The following TTLL5 variants were observed in gnomAD, a reference collection of about 807,000 sequenced individuals.
TTLL5 encodes the protein tubulin tyrosine ligase like 5.
TTLL5 carries 132 observed loss-of-function variants against 168.4 expected under a neutral mutation model. The observed-to-expected ratio is 0.78, with a 90% CI of 0.68 to 0.91. TTLL5 has a LOEUF of 0.91. TTLL5 is among the 40% of genes least tolerant of loss of function. TTLL5 has a pLI of 0.00. For missense variants in TTLL5, 1,545 were observed against 1,581.5 expected (o/e 0.98, Z 0.39); for synonymous variants, 546 against 558.6 (o/e 0.98, Z 0.32).
chr14:75,914,269 C>A (rs1277573573), intron 31 of TTLL5, among the ~76,000 whole-genome samples: 2 of 151,604 alleles, frequency 1.3e-5, no homozygotes, highest in South Asian at 4.2e-4. Context: ...TTCAATAAGA[C>A]CATAAACTTT....
At chr14:75,691,442 T>C (rs574601646) in intron 6 of TTLL5, among the ~76,000 whole-genome samples, 1 of 152,348 alleles carries the variant, frequency 6.6e-6, no homozygotes, top group African/African-American at 2.4e-5. Flanking sequence ...GAATGTTTAC[T>C]TTCTAGTAGG....
intron 30 of TTLL5, among the ~76,000 whole-genome samples, chr14:75,896,555 G>A (rs1412397901): frequency 6.6e-6 from 1 of 152,108 alleles, no homozygotes; most frequent in Non-Finnish European, 1.5e-5. Flanking sequence ...GGTGGCATGA[G>A]TCCAAGATAA....
At chr14:75,926,300 C>G (rs1363626366) in intron 31 of TTLL5, among the ~76,000 whole-genome samples, 7 of 150,378 alleles carry the variant, frequency 4.7e-5, no homozygotes, top group Non-Finnish European at 1.5e-5. Flanking sequence ...GACTCTTTAT[C>G]CAATTTGCCA....
intron 30 of TTLL5, among the ~76,000 whole-genome samples, chr14:75,891,240 CCT>C (rs1398013416): frequency 6.6e-5 from 10 of 152,182 alleles, no homozygotes; most frequent in Non-Finnish European, 1.0e-4. Context: ...GCCTCTTGAA[CCT>C]AAGTCCTGCC....
chr14:75,807,192 A>T (rs1893707422), intron 27 of TTLL5, among the ~76,000 whole-genome samples: 1 of 152,136 alleles, frequency 6.6e-6, no homozygotes, highest in Non-Finnish European at 1.5e-5. Context: ...GCACTCCTAT[A>T]ATCCCAGCAC....
At chr14:75,756,971 G>GTTA (rs1890304636) in intron 18 of TTLL5, among the ~76,000 whole-genome samples, 1 of 151,252 alleles carries the variant, frequency 6.6e-6, no homozygotes, top group Admixed American at 6.6e-5. Flanking sequence ...TTTTGTTGTT[G>GTTA]TTGTTGTTGT....
rs138370992 is a variant in TTLL5, at chr14:75,771,747, C to T, written c.2029C>T (p.Arg677Ter). Residue 677 changes from arginine to a stop codon, truncating the protein, a stop_gained, in exon 21 of 32, where the codon CGA becomes TGA. Transcript: ENST00000298832. LOFTEE classifies it high-confidence loss of function. The stretch of plus-strand genomic sequence containing the variant: ...GGATTTCTATAGCAAAATGCAGGCC[C>T]GAATAGCATTCTCTGCCTATCTCCA... Reference protein sequence around the residue: ...DNGNLSKMQARIAFSAYLQHV... With the variant: ...DNGNLSKMQA The T allele has an allele frequency of 2.3e-5, 37 of 1,613,742 alleles. 1 individual carries two copies. Among genetic ancestry groups the T allele is most frequent in the Admixed American group, 5.0e-5 (3 of 59,976 alleles).
chr14:75,865,548 C>G (rs1372199906), intron 29 of TTLL5, among the ~76,000 whole-genome samples: 2 of 152,080 alleles, frequency 1.3e-5, no homozygotes, highest in Non-Finnish European at 2.9e-5. Context: ...AAAAAACTCT[C>G]TGGCTCTAAT....
chr14:75,696,785 C>A (rs567487309), intron 6 of TTLL5, among the ~76,000 whole-genome samples: 61 of 152,304 alleles, frequency 4.0e-4, no homozygotes, highest in Non-Finnish European at 6.3e-4. Context: ...TTTGCATTTA[C>A]TAGCAAATAA....
At chr14:75,785,797 A>G (rs1892331623) in intron 26 of TTLL5, among the ~76,000 whole-genome samples, 1 of 152,180 alleles carries the variant, frequency 6.6e-6, no homozygotes, top group East Asian at 1.9e-4. Flanking sequence ...TGAAATCACC[A>G]AGGATGATTG....
chr14:75,711,382 G>A (rs1235126474), intron 9 of TTLL5: 1 of 152,064 alleles, frequency 6.6e-6, no homozygotes, highest in Non-Finnish European at 1.5e-5. Flanking sequence ...TCCTGTCAGG[G>A]GTGGACTCCA....
intron 5 of TTLL5, among the ~76,000 whole-genome samples, chr14:75,687,518 C>T (rs1418099848): frequency 6.6e-6 from 1 of 152,162 alleles, no homozygotes; most frequent in East Asian, 1.9e-4. Context: ...AAATGATCCA[C>T]CTGCCTCAGC....
Position 75,820,161 on chromosome 14 carries a change from G to T in TTLL5, c.3326G>T (p.Arg1109Met). 1 of 1,581,670 alleles carries T rather than the reference G, an allele frequency of 6.3e-7. No homozygotes were observed. Residue 1109 changes from arginine (R) to methionine (M), a missense_variant and splice_region_variant, in exon 28 of 32, where the codon AGG (arginine) becomes ATG (methionine). By Grantham distance (91) the Arg-to-Met change is moderately conservative (BLOSUM62 -1). Coordinates refer to ENST00000298832, the MANE Select transcript of TTLL5 (RefSeq NM_015072.5). Reference protein sequence around the residue: ...PENHSSSPGSRSLQTGGFAWE... With the variant: ...PENHSSSPGSMSLQTGGFAWE... ...AATCACTCCAGCTCTCCTGGAAGCA[G>T]GTATGTGAAGGGCCCTGCAACTAGC...
chr14:75,912,319 C>G (rs894490086), intron 31 of TTLL5, among the ~76,000 whole-genome samples: 7 of 152,186 alleles, frequency 4.6e-5, no homozygotes, highest in African/African-American at 1.7e-4. Flanking sequence ...AGCTGCCTTC[C>G]AGACAGATGC....
intron 28 of TTLL5, chr14:75,820,723 A>G (rs1413312446): frequency 6.5e-6 from 1 of 154,098 alleles, no homozygotes; most frequent in Non-Finnish European, 1.5e-5. Flanking sequence ...GCTTCTGGCA[A>G]TAATGTAAGC....
intron 29 of TTLL5, among the ~76,000 whole-genome samples, chr14:75,873,838 G>T (rs191106189): frequency 6.6e-6 from 1 of 152,202 alleles, no homozygotes; most frequent in African/African-American, 2.4e-5. Context: ...GCATTATGAT[G>T]TCAACTTGGG....
At chr14:75,873,371 G>A (rs749685096) in intron 29 of TTLL5, among the ~76,000 whole-genome samples, 22 of 152,152 alleles carry the variant, frequency 1.4e-4, no homozygotes, top group Non-Finnish European at 5.9e-5. Flanking sequence ...ACCACGCCCG[G>A]CCCTCCAGAA....
chr14:75,679,893 A>G (rs1243057277), intron 3 of TTLL5, among the ~76,000 whole-genome samples: 2 of 152,210 alleles, frequency 1.3e-5, no homozygotes, highest in Admixed American at 1.3e-4. Flanking sequence ...TGACATTTTA[A>G]ATGTTAATCC....
intron 7 of TTLL5, among the ~76,000 whole-genome samples, chr14:75,706,767 TTTATTTA>T (rs1886686323): frequency 6.6e-6 from 1 of 151,566 alleles, no homozygotes; most frequent in Non-Finnish European, 1.5e-5. Context: ...TATTTATTTA[TTTATTTA>T]TTATTTATTA....
Sources: gnomAD v4.1 joint callset for allele counts (sites outside exome capture counted in the v4.1 genomes callset) on GRCh38, gnomAD v4.1.1 for gene constraint, MANE v1.5 for transcripts, NCBI Gene and HGNC (gene_info 2026-07-23, HGNC 2026-07-21) for gene names.